Variants in CAMTA1 observed in about 807,000 individuals in gnomAD.
The protein encoded by CAMTA1 is calmodulin-binding transcription activator 1.
A neutral mutation model predicts 170.9 loss-of-function variants in CAMTA1; 27 were observed. The ratio of observed to expected loss-of-function variants is 0.16; its 90% CI spans 0.12 to 0.22. CAMTA1 has a LOEUF of 0.22. CAMTA1 is among the 10% of genes least tolerant of loss of function. The pLI, the probability that CAMTA1 is intolerant of heterozygous loss-of-function variation, is 1.00. For missense variants in CAMTA1, 1,619 were observed against 2,217.2 expected (o/e 0.73, Z 5.42); for synonymous variants, 833 against 891.5 (o/e 0.93, Z 1.17).
chr1:7,589,495 G>C (rs2095338829), intron 6 of CAMTA1, among the ~76,000 whole-genome samples: 1 of 152,226 alleles, frequency 6.6e-6, no homozygotes, highest in Non-Finnish European at 1.5e-5. Context: ...GGTGAGAGCA[G>C]TCAGCGCTTG....
At chr1:7,212,313 A>T (rs761371694) in intron 4 of CAMTA1, among the ~76,000 whole-genome samples, 28 of 152,304 alleles carry the variant, frequency 1.8e-4, no homozygotes, top group Non-Finnish European at 3.1e-4. Flanking sequence ...TAACATGTTT[A>T]TAAAAATCAA....
At chr1:7,236,268 A>G (rs1480770182) in intron 4 of CAMTA1, among the ~76,000 whole-genome samples, 5 of 152,186 alleles carry the variant, frequency 3.3e-5, no homozygotes, top group African/African-American at 7.2e-5. Context: ...CAAGGCATCA[A>G]TTACTGCCCT....
chr1:7,164,391 A>G (rs1647928636), intron 4 of CAMTA1, among the ~76,000 whole-genome samples: 1 of 152,204 alleles, frequency 6.6e-6, no homozygotes. Flanking sequence ...CCTTTGCCAC[A>G]TATTTATTTA....
At chr1:7,344,057 ACTG>A (rs1402521709) in intron 5 of CAMTA1, among the ~76,000 whole-genome samples, 1 of 152,196 alleles carries the variant, frequency 6.6e-6, no homozygotes, top group Non-Finnish European at 1.5e-5. Context: ...CCAGTTATCT[ACTG>A]CTGTGAAACA....
At chr1:7,386,477 T>C (rs1440844050) in intron 5 of CAMTA1, among the ~76,000 whole-genome samples, 2 of 152,192 alleles carry the variant, frequency 1.3e-5, no homozygotes, top group African/African-American at 4.8e-5. Flanking sequence ...CAGCCATGGC[T>C]GGGCCCTCAG....
At chr1:7,449,322 ACT>A (rs2092756527) in intron 5 of CAMTA1, among the ~76,000 whole-genome samples, 1 of 152,166 alleles carries the variant, frequency 6.6e-6, no homozygotes, top group Admixed American at 6.5e-5. Context: ...GAGGTCTCTA[ACT>A]CTCATCAGAG....
chr1:6,899,556 A>G (rs142552278), intron 3 of CAMTA1, among the ~76,000 whole-genome samples: 2,875 of 31,352 alleles, frequency 0.092, 30 homozygotes, highest in Non-Finnish European at 0.11. Flanking sequence ...GCGCGCGCGC[A>G]CACACACACA....
At chr1:7,727,727 AGT>A (rs1558232449) in intron 11 of CAMTA1, among the ~76,000 whole-genome samples, 1 of 152,268 alleles carries the variant, frequency 6.6e-6, no homozygotes, top group South Asian at 2.1e-4. Context: ...AATATTTCAC[AGT>A]GTTTTAATTA....
intron 6 of CAMTA1, among the ~76,000 whole-genome samples, chr1:7,490,418 G>A (rs1434121592): frequency 2.6e-5 from 4 of 152,186 alleles, no homozygotes; most frequent in Non-Finnish European, 5.9e-5. Context: ...TTGGGAGGCC[G>A]AGGCAGGCGG....
At chr1:7,152,965 C>T (rs1646663029) in intron 4 of CAMTA1, among the ~76,000 whole-genome samples, 1 of 152,190 alleles carries the variant, frequency 6.6e-6, no homozygotes, top group African/African-American at 2.4e-5. Context: ...TTCTGAAAAC[C>T]AGCTGTGAAG....
chr1:7,049,450 TTTTG>T (rs556229091), intron 3 of CAMTA1, among the ~76,000 whole-genome samples: 12 of 152,222 alleles, frequency 7.9e-5, no homozygotes, highest in East Asian at 5.8e-4. Context: ...TGTTGGGGTT[TTTTG>T]TTTGTTTGTT....
At position 7,000,608 on chromosome 1, in the gene CAMTA1, C is replaced by T. The variant is rs546576383; in HGVS notation, c.235-90696C>T. On this transcript the variant is annotated intron_variant, in intron 3 of 22. Coordinates refer to ENST00000303635, the MANE Select transcript of CAMTA1 (RefSeq NM_015215.4). ...CTGAGAGGGAGCAGGTGCCTTGGCC[C>T]GTGGAAGTCCAAGGTTCTGCATGAT... 5.9e-5 allele frequency among the ~76,000 whole-genome samples: 9 copies of T among 152,264 alleles called. No homozygotes were observed. In the South Asian group the frequency reaches 8.3e-4, roughly 14 times the overall value.
intron 5 of CAMTA1, among the ~76,000 whole-genome samples, chr1:7,252,308 T>C (rs1351210196): frequency 4.6e-5 from 7 of 152,202 alleles, no homozygotes; most frequent in Non-Finnish European, 7.3e-5. Flanking sequence ...TTTGAGTTTG[T>C]CTTAATTATT....
chr1:7,347,326 G>T (rs1316290089), intron 5 of CAMTA1, among the ~76,000 whole-genome samples: 1 of 152,196 alleles, frequency 6.6e-6, no homozygotes, highest in South Asian at 2.1e-4. Context: ...CGGAGAGGGA[G>T]TGGCCCAAGG....
intron 11 of CAMTA1, among the ~76,000 whole-genome samples, chr1:7,689,637 G>A (rs144609940): frequency 1.3e-5 from 2 of 152,164 alleles, no homozygotes; most frequent in African/African-American, 4.8e-5. Flanking sequence ...AACAAACGGA[G>A]GTTGTTCAGG....
At chr1:7,254,055 A>T (rs1430541392) in intron 5 of CAMTA1, among the ~76,000 whole-genome samples, 2 of 152,118 alleles carry the variant, frequency 1.3e-5, no homozygotes, top group African/African-American at 4.8e-5. Context: ...CCTGAGGCCG[A>T]CTTGGCCTGA....
chr1:7,152,040 A>G (rs1646607971), intron 4 of CAMTA1, among the ~76,000 whole-genome samples: 1 of 152,150 alleles, frequency 6.6e-6, no homozygotes, highest in African/African-American at 2.4e-5. Context: ...CACTTTCGCA[A>G]GTTTTAATAC....
intron 4 of CAMTA1, among the ~76,000 whole-genome samples, chr1:7,132,922 C>T (rs1645346298): frequency 6.6e-6 from 1 of 152,064 alleles, no homozygotes; most frequent in South Asian, 2.1e-4. Flanking sequence ...AATTGATTTT[C>T]AAATGTTAAA....
At chr1:7,747,287 T>G (rs1378626207) in intron 18 of CAMTA1, among the ~76,000 whole-genome samples, 1 of 152,164 alleles carries the variant, frequency 6.6e-6, no homozygotes, top group Non-Finnish European at 1.5e-5. Flanking sequence ...CTGTGTGCAT[T>G]TTTGGTGGGA....
Sources: gnomAD v4.1 joint callset for allele counts (sites outside exome capture counted in the v4.1 genomes callset) on GRCh38, gnomAD v4.1.1 for gene constraint, MANE v1.5 for transcripts, NCBI Gene and HGNC (gene_info 2026-07-23, HGNC 2026-07-21) for gene names.